URB2: variants seen among roughly 807,000 people sequenced by gnomAD.
URB2 encodes URB2 ribosome biogenesis homolog.
Under a neutral mutation model 120.9 loss-of-function variants are expected in URB2, and 86 were observed. The observed-to-expected ratio is 0.71, with a 90% CI of 0.60 to 0.85. The LOEUF is 0.85. Among genes scored for constraint, URB2 ranks in the 40% least tolerant of loss-of-function variants. The pLI is 0.00. For synonymous variants in URB2, 755 were observed against 758.4 expected, an observed-to-expected ratio of 1.00 and a Z score of 0.07; for missense variants, 1,765 against 1,836.5, an observed-to-expected ratio of 0.96 and a Z score of 0.71.
Position 229,645,858 on chromosome 1 carries a change from G to A in URB2, c.3796-1G>A, listed in dbSNP as rs1294030351. ...GCTAAGTTTTTTCTCTCTTGCCCCAGGCTGTTGTGTCAGCTGTTACACTGC... is the reference window on the plus strand; with the variant it reads ...GCTAAGTTTTTTCTCTCTTGCCCCAAGCTGTTGTGTCAGCTGTTACACTGC... On this transcript the variant is annotated splice_acceptor_variant, in intron 5 of 9. Transcript: ENST00000258243. LOFTEE classifies it high-confidence loss of function. The A allele has an allele frequency of 6.2e-7, 1 of 1,613,826 alleles. No individual in the cohort carries two copies. The highest frequency in any genetic ancestry group is 1.3e-5 in the African/African-American group (1 of 74,884).
chr1:229,645,454 TATCTGTAAGCGTGC>T (rs985000249), intron 5 of URB2, among the ~76,000 whole-genome samples: 1 of 152,234 alleles, frequency 6.6e-6, no homozygotes, highest in Non-Finnish European at 1.5e-5. Context: ...CAGCCCCTCC[TATCTGTAAGCGTGC>T]ATCGTTGCTC....
In URB2 at chr1:229,654,338, G is replaced by T. The variant is rs1418327808; in HGVS notation, c.4327G>T (p.Ala1443Ser). 6.2e-7 allele frequency: 1 copy of T among 1,614,052 alleles called. No individual in the cohort carries two copies. Residue 1443 changes from alanine (A) to serine (S), a missense_variant, in exon 9 of 10, where the codon GCT becomes TCT. Transcript: ENST00000258243. ...SHIAARAEEF[A>S]VFSPFMVAQY... ...CATCGCCGCACGAGCTGAGGAGTTT[G>T]CTGTGTTTTCCCCATTTATGGTGGC... is the stretch of plus-strand genomic sequence containing the variant.
chr1:229,644,519 G>A (rs1474112335), intron 5 of URB2, among the ~76,000 whole-genome samples: 8 of 152,232 alleles, frequency 5.3e-5, no homozygotes, highest in East Asian at 1.9e-4. Context: ...GAAGGGAGGC[G>A]TGCACCGTGC....
chr1:229,638,241 C>G lies in URB2; in HGVS notation c.3628C>G (p.Leu1210Val). 6.3e-7 allele frequency: 1 copy of G among 1,594,518 alleles called. No individual in the cohort carries two copies. Among genetic ancestry groups the G allele is most frequent in the Non-Finnish European group, 8.5e-7 (1 of 1,170,686 alleles). Residue 1210 changes from leucine to valine, a missense_variant, in exon 4 of 10, where the codon CTT becomes GTT. Transcript: ENST00000258243. ...CATGTTTCATTCTGTGAGAAGAGTT[C>G]TTGCAGGTAAGATATTTTCTCTTGA... ...TSMFHSVRRV[L>V]ADPEIPVQVT...
intron 8 of URB2, among the ~76,000 whole-genome samples, chr1:229,652,660 A>G (rs10127637): frequency 0.14 from 20,685 of 152,214 alleles, 2,282 homozygotes; most frequent in East Asian, 0.42. Context: ...CAGCCTCAGC[A>G]AGTTGGTGGT....
At position 229,635,946 on chromosome 1, in the gene URB2, AC is replaced by A; in HGVS notation, c.1335del (p.Ala448ProfsTer29). ...WIDAEVTEFR[T>X]KKAQEALIRT... ...CGATGCCGAGGTAACAGAGTTTCGA[AC>A]CAAAAAAGCCCAGGAGGCGCTTATT... On this transcript the variant is annotated frameshift_variant, in exon 4 of 10. Transcript: ENST00000258243. LOFTEE classifies it high-confidence loss of function. 6.2e-7 allele frequency: 1 copy of A among 1,614,244 alleles called. No individual in the cohort carries two copies. The highest frequency in any genetic ancestry group is 8.5e-7 in the Non-Finnish European group (1 of 1,180,036).
rs754990859 is a variant in URB2, at chr1:229,636,835, A to C, written c.2222A>C (p.His741Pro). The C allele has an allele frequency of 6.2e-7, 1 of 1,611,578 alleles. No individual in the cohort carries two copies. Among genetic ancestry groups the C allele is most frequent in the Non-Finnish European group, 8.5e-7 (1 of 1,177,988 alleles). The change falls in exon 4 of 10, where the codon CAC becomes CCC. Residue 741 changes from histidine (H) to proline (P), a missense_variant. Transcript: ENST00000258243. ...SGLTYPVAHW[H>P]LIVSNLTILI... The stretch of plus-strand genomic sequence containing the variant: ...CTCACATACCCTGTAGCACACTGGC[A>C]CTTGATTGTGTCAAATCTCACAATT...
At chr1:229,634,793 G>A in intron 3 of URB2, 124 bp from the exon 4 acceptor site, 1 of 855,380 alleles carries the variant, frequency 1.2e-6, no homozygotes, top group East Asian at 2.8e-5. Context: ...TGGTAATCTG[G>A]GCATTTCTTT....
intron 4 of URB2, among the ~76,000 whole-genome samples, chr1:229,638,808 T>G (rs1338337907): frequency 1.3e-5 from 2 of 152,208 alleles, no homozygotes; most frequent in Non-Finnish European, 2.9e-5. Flanking sequence ...CTCCGTATGT[T>G]GCTCTGCACC....
At chr1:229,630,841 G>T (rs569796858) in intron 2 of URB2, among the ~76,000 whole-genome samples, 28 of 152,110 alleles carry the variant, frequency 1.8e-4, no homozygotes, top group Admixed American at 1.6e-3. Flanking sequence ...AATTAGCCAG[G>T]CATGGTGGCG....
chr1:229,637,239 T>C lies in URB2; in HGVS notation c.2626T>C (p.Ser876Pro), dbSNP rs546204425. ...AGGAGAAATTGCCCAGAACTTACTG[T>C]CCCTGGTCAAGAGTGACTTCCCTAT... ...PRGEIAQNLL[S>P]LVKSDFPIQL... is the part of the protein sequence containing the mutation. Residue 876 changes from serine to proline, a missense_variant, in exon 4 of 10, where the codon TCC becomes CCC. Ser to Pro is a moderately conservative substitution (Grantham distance 74). Coordinates refer to ENST00000258243, the MANE Select transcript of URB2 (RefSeq NM_014777.4). 1 of 1,613,920 alleles carries C rather than the reference T, an allele frequency of 6.2e-7. No homozygotes were observed. The highest frequency in any genetic ancestry group is 1.3e-5 in the African/African-American group (1 of 75,042).
chr1:229,658,697 G>A (rs1666457147), intron 9 of URB2, among the ~76,000 whole-genome samples: 1 of 152,146 alleles, frequency 6.6e-6, no homozygotes, highest in Non-Finnish European at 1.5e-5. Context: ...AGCTTCCAAG[G>A]TGATTGACGG....
intron 8 of URB2, 41 bp from the exon 9 acceptor site, chr1:229,654,208 T>A: frequency 1.0e-5 from 16 of 1,606,526 alleles, no homozygotes; most frequent in Non-Finnish European, 1.4e-5. Flanking sequence ...AAATGTGCTG[T>A]TTTTGAACTA....
intron 2 of URB2, 150 bp downstream of exon 2, chr1:229,627,909 A>G (rs1665552814): frequency 9.5e-7 from 1 of 1,051,444 alleles, no homozygotes; most frequent in Admixed American, 3.2e-5. Flanking sequence ...GTCAATGAAA[A>G]AAGTAATGAG....
intron 5 of URB2, among the ~76,000 whole-genome samples, chr1:229,644,480 G>A (rs561909365): frequency 3.3e-5 from 5 of 152,234 alleles, no homozygotes; most frequent in Non-Finnish European, 7.3e-5. Flanking sequence ...AAGAATGCAG[G>A]GGACTTGATT....
chr1:229,635,744 C>G lies in URB2; in HGVS notation c.1131C>G (p.Ala377=). Residue 377 remains alanine (A), a synonymous_variant, in exon 4 of 10, where the codon GCC becomes GCG. Coordinates refer to ENST00000258243, the MANE Select transcript of URB2 (RefSeq NM_014777.4). The part of the protein sequence containing the change: ...VANNNIYNIA[A]DRIRHEEAQF... Reference sequence around the variant, plus strand: ...ACAACAATATCTACAACATCGCTGCCGACAGAATTCGGCACGAAGAGGCTC... The same window carrying G: ...ACAACAATATCTACAACATCGCTGCGGACAGAATTCGGCACGAAGAGGCTC... 6.2e-7 allele frequency: 1 copy of G among 1,614,158 alleles called. No homozygotes were observed. The highest frequency in any genetic ancestry group is 1.3e-5 in the African/African-American group (1 of 75,054).
Position 229,637,119 on chromosome 1 carries a change from C to T in URB2, c.2506C>T (p.Gln836Ter). The change falls in exon 4 of 10, where the codon CAG (glutamine) becomes TAG (stop). Residue 836 changes from glutamine to a stop codon, truncating the protein, a stop_gained. Coordinates refer to ENST00000258243, the MANE Select transcript of URB2 (RefSeq NM_014777.4). LOFTEE classifies it high-confidence loss of function. ...CCAGCGTGACTCAGGTCTTGTCAGT[C>T]AGCAGCTTCCCTGGCTTTTTGAAAA... ...GAQRDSGLVS[Q>*]QLPWLFEKDH... The T allele has an allele frequency of 1.2e-6, 2 of 1,612,902 alleles. No individual in the cohort carries two copies. The highest frequency in any genetic ancestry group is 1.7e-6 in the Non-Finnish European group (2 of 1,179,300).
In URB2 at chr1:229,637,619, G is replaced by T. The variant is rs768908969; in HGVS notation, c.3006G>T (p.Gly1002=). The change falls in exon 4 of 10, where the codon GGG becomes GGT. Residue 1002 remains glycine, a synonymous_variant. Coordinates refer to ENST00000258243, the MANE Select transcript of URB2 (RefSeq NM_014777.4). ...GGCTGGAATTCCTCCAAGTGATAGGGACGTTCTTAGAGGAGCTAATGCAGA... is the reference window on the plus strand; with the variant it reads ...GGCTGGAATTCCTCCAAGTGATAGGTACGTTCTTAGAGGAGCTAATGCAGA... ...PAWLEFLQVI[G]TFLEELMQML... is the part of the protein sequence containing the mutation. The T allele has an allele frequency of 1.9e-6, 3 of 1,614,056 alleles. No individual in the cohort carries two copies. The African/African-American group carries it at 4.0e-5, about 22-fold the overall frequency.
Position 229,635,722 on chromosome 1 carries a change from A to C in URB2, c.1109A>C (p.Asn370Thr). Residue 370 changes from asparagine (N) to threonine (T), a missense_variant, in exon 4 of 10, where the codon AAC (asparagine) becomes ACC (threonine). Asn to Thr is a moderately conservative substitution (Grantham distance 65). Transcript: ENST00000258243. ...VEQLLNSVAN[N>T]NIYNIAADRI... ...CAGCTACTAAACTCAGTGGCCAACA[A>C]CAATATCTACAACATCGCTGCCGAC... 1 of 1,614,224 alleles carries C rather than the reference A, an allele frequency of 6.2e-7. No homozygotes were observed. Among genetic ancestry groups the C allele is most frequent in the Non-Finnish European group, 8.5e-7 (1 of 1,180,044 alleles).
Sources: gnomAD v4.1 joint callset for allele counts (sites outside exome capture counted in the v4.1 genomes callset) on GRCh38, gnomAD v4.1.1 for gene constraint, MANE v1.5 for transcripts, NCBI Gene and HGNC (gene_info 2026-07-23, HGNC 2026-07-21) for gene names.